The following RHOH variants were observed in gnomAD, a reference collection of about 807,000 sequenced individuals.
RHOH encodes the protein rho-related GTP-binding protein RhoH.
In RHOH, 6 loss-of-function variants were observed where a neutral mutation model predicts 13.8. The ratio of observed to expected loss-of-function variants is 0.44; its 90% CI spans 0.24 to 0.86. The LOEUF (loss-of-function observed/expected upper bound fraction) is 0.86. RHOH is among the 40% of genes least tolerant of loss of function. The probability of loss-of-function intolerance (pLI) is 0.24; values close to 1 mark genes in which losing one functional copy is unlikely to be tolerated. For synonymous variants in RHOH, 117 were observed against 103.0 expected, an observed-to-expected ratio of 1.14 and a Z score of -0.82; for missense variants, 147 against 244.5, an observed-to-expected ratio of 0.60 and a Z score of 2.66.
chr4:40,243,939 A>G lies in RHOH; in HGVS notation c.553A>G (p.Ile185Val), dbSNP rs770068893. 11 of 1,613,586 alleles carry G rather than the reference A, an allele frequency of 6.8e-6. No individual in the cohort carries two copies. Among genetic ancestry groups the G allele is most frequent in the Non-Finnish European group, 9.3e-6 (11 of 1,179,790 alleles). The change falls in exon 3 of 3, where the codon ATC becomes GTC. Residue 185 changes from isoleucine to valine, a missense_variant. Ile to Val is a conservative substitution (Grantham distance 29). Coordinates refer to ENST00000381799, the MANE Select transcript of RHOH (RefSeq NM_004310.5). The surrounding 1 kb of genome is among the most constrained non-coding windows in gnomAD (Gnocchi z 6.2). ...ACGAAACAGAAGGAGGCTCTTCTCCATCAATGAGTGCAAGATCTTCTAAAC... is the reference window on the plus strand; with the variant it reads ...ACGAAACAGAAGGAGGCTCTTCTCCGTCAATGAGTGCAAGATCTTCTAAAC... ...RRRNRRRLFS[I>V]NECKIF
chr4:40,196,519 C>A (rs896174423), upstream of RHOH, among the ~76,000 whole-genome samples: 3 of 152,190 alleles, frequency 2.0e-5, no homozygotes, highest in Non-Finnish European at 4.4e-5. Context: ...CGGCAGGGGG[C>A]TGCTCGAACT....
chr4:40,226,154 AT>A (rs1727204788), intron 1 of RHOH, among the ~76,000 whole-genome samples: 1 of 152,224 alleles, frequency 6.6e-6, no homozygotes, highest in Non-Finnish European at 1.5e-5. Flanking sequence ...CAAACGATGC[AT>A]GATTAATTCA....
At chr4:40,222,499 AAC>A (rs1726708431) in intron 1 of RHOH, among the ~76,000 whole-genome samples, 1 of 152,246 alleles carries the variant, frequency 6.6e-6, no homozygotes, top group South Asian at 2.1e-4. Context: ...CTATAAATGG[AAC>A]AACTAAAGCC....
At chr4:40,232,883 G>C (rs1342371571) in intron 1 of RHOH, among the ~76,000 whole-genome samples, 1 of 152,074 alleles carries the variant, frequency 6.6e-6, no homozygotes, top group East Asian at 1.9e-4. Flanking sequence ...TCATCCTACA[G>C]ATCAGCTGTC....
upstream of RHOH, among the ~76,000 whole-genome samples, chr4:40,193,309 C>T (rs1367816373): frequency 6.6e-6 from 1 of 152,168 alleles, no homozygotes; most frequent in Non-Finnish European, 1.5e-5. Context: ...TCTGAAGTCC[C>T]CAGGATTTCT....
chr4:40,216,040 G>A (rs996233126), intron 1 of RHOH, among the ~76,000 whole-genome samples: 3 of 151,582 alleles, frequency 2.0e-5, no homozygotes, highest in Admixed American at 6.6e-5. Context: ...ACTGCAGCTC[G>A]TTTTCCGCTT....
chr4:40,224,936 G>A (rs905833379), intron 1 of RHOH, among the ~76,000 whole-genome samples: 6 of 152,120 alleles, frequency 3.9e-5, no homozygotes, highest in Admixed American at 1.3e-4. Context: ...TAGAGACAGG[G>A]TCTCACTTTG....
intron 1 of RHOH, among the ~76,000 whole-genome samples, chr4:40,210,089 C>CGTGTGTGTGTGTGTGTGT (rs5857717): frequency 1.4e-5 from 2 of 145,458 alleles, no homozygotes; most frequent in Admixed American, 1.4e-4. Context: ...ACATTGTGTG[C>CGTGTGTGTGTGTGTGTGT]GTGTGTGTGT....
chr4:40,221,955 T>C (rs1726636725), intron 1 of RHOH, among the ~76,000 whole-genome samples: 1 of 152,194 alleles, frequency 6.6e-6, no homozygotes, highest in African/African-American at 2.4e-5. Flanking sequence ...GAAACAGCCT[T>C]ACTGCTTGGA....
In RHOH at chr4:40,225,242, G is replaced by A. The variant is rs148339763; in HGVS notation, c.-330-17472G>A. On this transcript the variant is annotated intron_variant, in intron 1 of 2. Transcript: ENST00000381799. ...TTCTCATATCTCAGCCTCCCAAGTA[G>A]CTGGACTTACAGGCATGCACCACCA... Among the ~76,000 whole-genome samples, 1,326 of 152,176 alleles carry A rather than the reference G, an allele frequency of 8.7e-3. 15 individuals are homozygous for A. The highest frequency in any genetic ancestry group is 0.03 in the African/African-American group (1,244 of 41,520).
At chr4:40,219,222 G>A (rs1307108849) in intron 1 of RHOH, among the ~76,000 whole-genome samples, 1 of 151,996 alleles carries the variant, frequency 6.6e-6, no homozygotes, top group Non-Finnish European at 1.5e-5. Context: ...GACCATCCTG[G>A]CCAACATGGT....
upstream of RHOH, among the ~76,000 whole-genome samples, chr4:40,196,464 A>C (rs1157456184): frequency 5.3e-5 from 8 of 152,242 alleles, no homozygotes; most frequent in Non-Finnish European, 1.5e-5. Context: ...ACTCATCGCC[A>C]GGTAACTCCC....
chr4:40,219,990 A>G (rs1282763233), intron 1 of RHOH, among the ~76,000 whole-genome samples: 1 of 152,234 alleles, frequency 6.6e-6, no homozygotes, highest in African/African-American at 2.4e-5. Flanking sequence ...TGCATTGGCT[A>G]GGTAAAGCAG....
intron 1 of RHOH, among the ~76,000 whole-genome samples, chr4:40,202,154 C>A (rs958427425): frequency 6.6e-6 from 1 of 151,616 alleles, no homozygotes; most frequent in African/African-American, 2.4e-5. Context: ...ACTTTGTTGC[C>A]CAGCCTGGTC....
chr4:40,219,429 A>T (rs949326049), intron 1 of RHOH, among the ~76,000 whole-genome samples: 6 of 146,062 alleles, frequency 4.1e-5, no homozygotes, highest in African/African-American at 1.5e-4. Flanking sequence ...AAAAAAAAAA[A>T]GTGTGTGTGA....
chr4:40,203,390 G>T (rs575536291), intron 1 of RHOH, among the ~76,000 whole-genome samples: 84 of 152,304 alleles, frequency 5.5e-4, no homozygotes, highest in African/African-American at 2.0e-3. Flanking sequence ...AGGTTGGCAG[G>T]AATATGCATT....
upstream of RHOH, among the ~76,000 whole-genome samples, chr4:40,194,875 G>A (rs939422322): frequency 6.6e-6 from 1 of 152,180 alleles, no homozygotes; most frequent in Non-Finnish European, 1.5e-5. Flanking sequence ...GGCTGGCTGC[G>A]TGGAGTCTAA....
At chr4:40,223,466 C>CCT (rs1430963466) in intron 1 of RHOH, among the ~76,000 whole-genome samples, 5 of 94,480 alleles carry the variant, frequency 5.3e-5, no homozygotes, top group East Asian at 5.2e-4. Context: ...TGATTGTTAG[C>CCT]TTTTTTTTTT....
At position 40,240,720 on chromosome 4, in the gene RHOH, T is replaced by C. The variant is rs1729141088; in HGVS notation, c.-330-1994T>C. On this transcript the variant is annotated intron_variant, in intron 1 of 2. Coordinates refer to ENST00000381799, the MANE Select transcript of RHOH (RefSeq NM_004310.5). ...TAAACCCAGGAGGCAGAGGTTGCAG[T>C]GAGCCGAGATCGAGCCACTGCACTC... Among the ~76,000 whole-genome samples the C allele has an allele frequency of 3.3e-5, 5 of 152,214 alleles. No individual in the cohort carries two copies. The South Asian group carries it at 1.0e-3, about 32-fold the overall frequency.
Sources: gnomAD v4.1 joint callset for allele counts (sites outside exome capture counted in the v4.1 genomes callset) on GRCh38, gnomAD v4.1.1 for gene constraint, Gnocchi (gnomAD v3.1) non-coding constraint, MANE v1.5 for transcripts, NCBI Gene and HGNC (gene_info 2026-07-23, HGNC 2026-07-21) for gene names.